Variants in SYNJ2 observed in about 807,000 individuals in gnomAD.
The protein encoded by SYNJ2 is polyphosphatidylinositol phosphatase SYNJ2.
Under a neutral mutation model 141.3 loss-of-function variants are expected in SYNJ2, and 116 were observed. The ratio of observed to expected loss-of-function variants is 0.82; its 90% CI spans 0.71 to 0.96. The LOEUF (loss-of-function observed/expected upper bound fraction) is 0.96. SYNJ2 is among the 40% of genes least tolerant of loss of function. The probability of loss-of-function intolerance (pLI) is 0.00; values close to 1 mark genes in which losing one functional copy is unlikely to be tolerated. For missense variants in SYNJ2, 1,873 were observed against 1,934.8 expected, an observed-to-expected ratio of 0.97 and a Z score of 0.60; for synonymous variants, 745 against 777.7, an observed-to-expected ratio of 0.96 and a Z score of 0.70.
chr6:158,017,268 G>C lies in SYNJ2; in HGVS notation c.192G>C (p.Leu64=), dbSNP rs149568698. ...AGCTCACGGACGCGTACGGCTGCCTGGGGGAGCTGAGGCTGAAATCTGGTG... is the reference window on the plus strand; with the variant it reads ...AGCTCACGGACGCGTACGGCTGCCTCGGGGAGCTGAGGCTGAAATCTGGTG... ...YGKLTDAYGC[L]GELRLKSGGT... Residue 64 remains leucine (L), a synonymous_variant, in exon 2 of 27, where the codon CTG becomes CTC. Transcript: ENST00000355585. The C allele has an allele frequency of 6.2e-7, 1 of 1,613,556 alleles. No individual in the cohort carries two copies. Among genetic ancestry groups the C allele is most frequent in the Admixed American group, 1.7e-5 (1 of 59,994 alleles).
At chr6:158,034,936 G>C (rs1779560497) in intron 4 of SYNJ2, among the ~76,000 whole-genome samples, 1 of 152,184 alleles carries the variant, frequency 6.6e-6, no homozygotes. Context: ...ATTGAATAGA[G>C]AATCCTTTTC....
chr6:158,042,250 T>A (rs909283295), intron 4 of SYNJ2, among the ~76,000 whole-genome samples: 1 of 152,270 alleles, frequency 6.6e-6, no homozygotes, highest in Non-Finnish European at 1.5e-5. Flanking sequence ...TCTTAACACA[T>A]GCTTTTTTCC....
intron 6 of SYNJ2, among the ~76,000 whole-genome samples, chr6:158,056,198 A>T (rs1405973234): frequency 6.6e-6 from 1 of 152,246 alleles, no homozygotes; most frequent in African/African-American, 2.4e-5. Flanking sequence ...TTTCTTAAAA[A>T]ATACATACAT....
At chr6:158,003,626 G>T (rs1008255388) in intron 1 of SYNJ2, among the ~76,000 whole-genome samples, 1 of 152,174 alleles carries the variant, frequency 6.6e-6, no homozygotes, top group African/African-American at 2.4e-5. Context: ...CCTGTGGGCC[G>T]GGCTTCGTTG....
rs1043477463 is a variant in SYNJ2 at position 157,982,178 on chromosome 6, G to A, written c.127+90G>A. The A allele has an allele frequency of 5.6e-6, 7 of 1,244,730 alleles. No homozygotes were observed. In the East Asian group the frequency reaches 1.3e-4, roughly 23 times the overall value. The allele number at this position is 1,244,730 out of a possible 1,614,324, so 77.1% of individuals were successfully genotyped here. ...AAGACGGGTACCCCCCCTTCCCGAGGGGATCGGGCGGCGCTGGGACTGCCG... is the reference window on the plus strand; with the variant it reads ...AAGACGGGTACCCCCCCTTCCCGAGAGGATCGGGCGGCGCTGGGACTGCCG... On this transcript the variant is annotated intron_variant, in intron 1 of 26. Coordinates refer to ENST00000355585, the MANE Select transcript of SYNJ2 (RefSeq NM_003898.4). This position sits in a 1 kb window ranked among gnomAD's most constrained non-coding sequence, Gnocchi z 4.0.
rs1284289908 is a variant in SYNJ2 at position 158,027,523 on chromosome 6, G to T, written c.215-1233G>T. 6.6e-6 allele frequency: 1 copy of T among 152,348 alleles called. No homozygotes were observed. Among genetic ancestry groups the T allele is most frequent in the Non-Finnish European group, 1.5e-5 (1 of 68,154 alleles). The allele number at this position is 152,348 out of a possible 1,614,324, so 9.4% of individuals were successfully genotyped here. ...CAGCTGTCAGCGACAGCGAGGTGGTGCCCCAGAGAGGGCTGCCTCATTCGC... is the reference window on the plus strand; with the variant it reads ...CAGCTGTCAGCGACAGCGAGGTGGTTCCCCAGAGAGGGCTGCCTCATTCGC... On this transcript the variant is annotated intron_variant, in intron 2 of 26. Transcript: ENST00000355585. This position sits in a 1 kb window ranked among gnomAD's most constrained non-coding sequence, Gnocchi z 4.6.
intron 2 of SYNJ2, among the ~76,000 whole-genome samples, chr6:158,019,851 G>A (rs1778664717): frequency 6.6e-6 from 1 of 152,238 alleles, no homozygotes; most frequent in Non-Finnish European, 1.5e-5. Flanking sequence ...AAGGATGGAA[G>A]GATTGGGCTT....
chr6:158,089,922 C>A lies in SYNJ2; in HGVS notation c.3540C>A (p.Ile1180=), dbSNP rs1357463025. Residue 1180 remains isoleucine, a synonymous_variant, in exon 25 of 27, where the codon ATC becomes ATA. Transcript: ENST00000355585. ...ATGCCCAGGAGGCAGAAGCAGCAATCCGGTGTCTCCTGGAAGCCAGAGGAG... is the reference window on the plus strand; with the variant it reads ...ATGCCCAGGAGGCAGAAGCAGCAATACGGTGTCTCCTGGAAGCCAGAGGAG... ...TTNAQEAEAA[I]RCLLEARGGA... is the part of the protein sequence containing the mutation. 1 of 1,613,982 alleles carries A rather than the reference C, an allele frequency of 6.2e-7. No individual in the cohort carries two copies. Among genetic ancestry groups the A allele is most frequent in the Non-Finnish European group, 8.5e-7 (1 of 1,179,978 alleles).
chr6:158,028,716 G>T, intron 2 of SYNJ2, 40 bp from the exon 3 acceptor site: 1 of 1,599,296 alleles, frequency 6.3e-7, no homozygotes, highest in South Asian at 1.1e-5. Flanking sequence ...CGGCCGGGCC[G>T]ACTTCGACCC....
At position 158,066,503 on chromosome 6, in the gene SYNJ2, C is replaced by T. The variant is rs539018111; in HGVS notation, c.1585C>T (p.Arg529Trp). Residue 529 changes from arginine to tryptophan, a missense_variant, in exon 12 of 27, where the codon CGG becomes TGG. Physicochemically the swap from Arg to Trp is moderately radical, Grantham distance 101. Coordinates refer to ENST00000355585, the MANE Select transcript of SYNJ2 (RefSeq NM_003898.4). ...TCAGTCCGAATTCACAAATTTCAAG[C>T]GGATCCGGATTGCTATGGGGACCTG... ...ERQSEFTNFK[R>W]IRIAMGTWNV... 13 of 1,614,180 alleles carry T rather than the reference C, an allele frequency of 8.1e-6. No homozygotes were observed. Among genetic ancestry groups the T allele is most frequent in the East Asian group, 6.7e-5 (3 of 44,878 alleles).
intron 7 of SYNJ2, 114 bp downstream of exon 7, chr6:158,059,467 C>T (rs1370879948): frequency 4.7e-6 from 7 of 1,493,382 alleles, no homozygotes; most frequent in South Asian, 1.3e-5. Flanking sequence ...AGCCCTCCTT[C>T]GTTTCCTGAG....
At position 158,062,368 on chromosome 6, in the gene SYNJ2, C is replaced by T. The variant is rs1270694058; in HGVS notation, c.1127+204C>T. The T allele has an allele frequency of 2.2e-5, 10 of 456,234 alleles. No individual in the cohort carries two copies. In the South Asian group the frequency reaches 2.8e-4, roughly 13 times the overall value. 28.3% of individuals were successfully genotyped at this position (456,234 alleles called of 1,614,324 possible). On this transcript the variant is annotated intron_variant, in intron 8 of 26. Coordinates refer to ENST00000355585, the MANE Select transcript of SYNJ2 (RefSeq NM_003898.4). Reference sequence around the variant, plus strand: ...TCCTGGGTCATAAGCTTGGCGACGCCGGGAATCTTGGGTTCCAGCTTCTCA... The same window carrying T: ...TCCTGGGTCATAAGCTTGGCGACGCTGGGAATCTTGGGTTCCAGCTTCTCA...
intron 4 of SYNJ2, 147 bp downstream of exon 4, chr6:158,033,827 G>A (rs1377135787): frequency 1.5e-5 from 11 of 750,106 alleles, no homozygotes; most frequent in Admixed American, 5.7e-5. Flanking sequence ...AGAACAGCAC[G>A]TGTAATTGGG....
intron 1 of SYNJ2, among the ~76,000 whole-genome samples, chr6:157,994,116 A>C (rs1777557888): frequency 6.6e-6 from 1 of 152,104 alleles, no homozygotes; most frequent in South Asian, 2.1e-4. Context: ...CACCACACCC[A>C]GCCAGTGTGT....
At chr6:158,042,215 C>G (rs1474275477) in intron 4 of SYNJ2, among the ~76,000 whole-genome samples, 1 of 152,230 alleles carries the variant, frequency 6.6e-6, no homozygotes, top group African/African-American at 2.4e-5. Context: ...TGCTGGTACT[C>G]AATACCTGGA....
rs1199086395 is a variant in SYNJ2 at position 158,028,925 on chromosome 6, G to A, written c.384G>A (p.Val128=). The change falls in exon 3 of 27, where the codon GTG becomes GTA. Residue 128 remains valine (V), a synonymous_variant. Transcript: ENST00000355585. ...IALKKILSSG[V]FYFSWPNDGS... ...TGAAGAAAATCCTCAGCTCGGGGGT[G>A]TTCTATTTCTCATGGCCAAACGATG... 1 of 1,614,062 alleles carries A rather than the reference G, an allele frequency of 6.2e-7. No homozygotes were observed. Among genetic ancestry groups the A allele is most frequent in the Non-Finnish European group, 8.5e-7 (1 of 1,180,032 alleles).
Position 158,064,761 on chromosome 6 carries a change from G to C in SYNJ2, c.1359+11G>C. On this transcript the variant is annotated intron_variant, in intron 10 of 26. Transcript: ENST00000355585. ...GAAGGGAAGGCCAAGGTAGGGCCCC[G>C]CCGAGGGGGCAGGGTGGGGGCCCCA... 1 of 1,613,142 alleles carries C rather than the reference G, an allele frequency of 6.2e-7. No homozygotes were observed.
At chr6:157,992,401 C>CTTTTTTTTTTTTTTTTTTTTTTTT (rs57905567) in intron 1 of SYNJ2, among the ~76,000 whole-genome samples, 1 of 120,356 alleles carries the variant, frequency 8.3e-6, no homozygotes, top group Admixed American at 9.3e-5. Flanking sequence ...TGGCTTGTTT[C>CTTTTTTTTTTTTTTTTTTTTTTTT]TTTTTTTTTT....
rs577133397 is a variant in SYNJ2 at position 158,055,112 on chromosome 6, A to T, written c.857+84A>T. 892 of 1,467,824 alleles carry T rather than the reference A, an allele frequency of 6.1e-4. 2 individuals carry two copies. The Middle Eastern group carries it at 6.8e-3, about 11-fold the overall frequency. 90.9% of individuals were successfully genotyped at this position (1,467,824 alleles called of 1,614,324 possible). On this transcript the variant is annotated intron_variant, in intron 6 of 26. Coordinates refer to ENST00000355585, the MANE Select transcript of SYNJ2 (RefSeq NM_003898.4). The stretch of plus-strand genomic sequence containing the variant: ...CATCAGACACAAGGGAGAGGGTGCG[A>T]CGGGAAAGGGAGGACCCTGAACCCT...
Sources: allele counts gnomAD v4.1 joint callset (sites outside exome capture counted in the v4.1 genomes callset), GRCh38; gene constraint gnomAD v4.1.1; non-coding constraint Gnocchi (gnomAD v3.1); transcripts MANE v1.5; gene names NCBI Gene and HGNC (gene_info 2026-07-23, HGNC 2026-07-21).